The following FBXL7 variants were observed in gnomAD, a reference collection of about 807,000 sequenced individuals.
FBXL7 encodes F-box/LRR-repeat protein 7.
In FBXL7, 12 loss-of-function variants were observed where a neutral mutation model predicts 38.3. The ratio of observed to expected loss-of-function variants is 0.31; its 90% CI spans 0.20 to 0.51. The LOEUF is 0.51. Ranked by LOEUF, FBXL7 falls within the 20% of genes least tolerant of loss-of-function variation. FBXL7 has a pLI of 0.98. For missense variants in FBXL7, 567 were observed against 676.4 expected (o/e 0.84, Z 1.79); for synonymous variants, 297 against 300.9 (o/e 0.99, Z 0.13).
At chr5:15,875,108 C>T in intron 2 of FBXL7, among the ~76,000 whole-genome samples, 1 of 152,094 alleles carries the variant, frequency 6.6e-6, no homozygotes, top group East Asian at 1.9e-4. Flanking sequence ...GAAATAACGT[C>T]ACACATCTAC....
chr5:15,933,141 T>A (rs186346148), intron 3 of FBXL7, among the ~76,000 whole-genome samples: 400 of 152,324 alleles, frequency 2.6e-3, no homozygotes, highest in African/African-American at 9.3e-3. Context: ...ATGAACCAAT[T>A]TACTTTCTTT....
intron 2 of FBXL7, among the ~76,000 whole-genome samples, chr5:15,641,957 G>GTGTGTT (rs1355381044): frequency 2.1e-5 from 3 of 142,738 alleles, no homozygotes; most frequent in African/African-American, 7.6e-5. Context: ...GTGTGTGTGT[G>GTGTGTT]TGTGTGTGTG....
At chr5:15,916,336 C>T (rs951408427) in intron 2 of FBXL7, among the ~76,000 whole-genome samples, 1 of 151,816 alleles carries the variant, frequency 6.6e-6, no homozygotes, top group South Asian at 2.1e-4. Context: ...GGTACTTAGA[C>T]ATGTGTGTTT....
chr5:15,600,405 G>A (rs1739755967), intron 1 of FBXL7, among the ~76,000 whole-genome samples: 1 of 152,154 alleles, frequency 6.6e-6, no homozygotes, highest in Non-Finnish European at 1.5e-5. Context: ...CTCCCTTCCT[G>A]TCATGGCTGG....
chr5:15,629,168 C>A (rs1740917395), intron 2 of FBXL7, among the ~76,000 whole-genome samples: 1 of 150,732 alleles, frequency 6.6e-6, no homozygotes, highest in African/African-American at 2.5e-5. Context: ...CACCTGTTGT[C>A]CCAGCTGCTC....
Position 15,699,698 on chromosome 5 carries a change from C to G in FBXL7, c.127+83626C>G, listed in dbSNP as rs538821273. On this transcript the variant is annotated intron_variant, in intron 2 of 3. Coordinates refer to ENST00000504595, the MANE Select transcript of FBXL7 (RefSeq NM_012304.5). ...ATCCATCCAGACTTTCTACAGGTCTCTTAGGAAACACACTACAATTACAGG... is the reference window on the plus strand; with the variant it reads ...ATCCATCCAGACTTTCTACAGGTCTGTTAGGAAACACACTACAATTACAGG... Among the ~76,000 whole-genome samples the G allele has an allele frequency of 6.0e-4, 91 of 152,246 alleles. 1 individual carries two copies. Among genetic ancestry groups the G allele is most frequent in the African/African-American group, 2.1e-3 (86 of 41,542 alleles).
intron 2 of FBXL7, among the ~76,000 whole-genome samples, chr5:15,831,228 C>T (rs1314961064): frequency 6.6e-6 from 1 of 152,114 alleles, no homozygotes; most frequent in African/African-American, 2.4e-5. Context: ...TGTTTTGTCT[C>T]AGGTATCTGA....
chr5:15,869,267 T>TTA (rs1739849810), intron 2 of FBXL7, among the ~76,000 whole-genome samples: 1 of 152,186 alleles, frequency 6.6e-6, no homozygotes, highest in Non-Finnish European at 1.5e-5. Context: ...TAGCCCATAG[T>TTA]TAGAGGTGAT....
In FBXL7 at chr5:15,500,202, G is replaced by C. The variant is rs966644887; in HGVS notation, c.-475G>C. On this transcript the variant is annotated 5_prime_UTR_variant, in exon 1 of 4. Transcript: ENST00000504595. ...TGCGCCGGGTCGCTAGTCTTCACTC[G>C]CTCCGGGGACCCGCAACAAGTGGCC... is the stretch of plus-strand genomic sequence containing the variant. 5 of 152,046 alleles carry C rather than the reference G, an allele frequency of 3.3e-5. No homozygotes were observed. The highest frequency in any genetic ancestry group is 9.6e-5 in the African/African-American group (4 of 41,452). The allele number at this position is 152,046 out of a possible 1,614,324, so 9.4% of individuals were successfully genotyped here.
intron 1 of FBXL7, among the ~76,000 whole-genome samples, chr5:15,570,401 A>G (rs956590652): frequency 6.6e-6 from 1 of 152,040 alleles, no homozygotes; most frequent in Non-Finnish European, 1.5e-5. Flanking sequence ...GTATTCTCTG[A>G]TCGTAGTTTG....
intron 2 of FBXL7, among the ~76,000 whole-genome samples, chr5:15,858,541 C>A (rs1306118597): frequency 6.6e-6 from 1 of 152,088 alleles, no homozygotes; most frequent in Admixed American, 6.6e-5. Flanking sequence ...AAAGGACAGG[C>A]AATAAATGCT....
At chr5:15,652,880 G>A (rs957905812) in intron 2 of FBXL7, among the ~76,000 whole-genome samples, 3 of 152,110 alleles carry the variant, frequency 2.0e-5, no homozygotes, top group African/African-American at 4.8e-5. Context: ...AACTAAGTAA[G>A]CATATTGTTT....
At chr5:15,896,029 T>A (rs1362417339) in intron 2 of FBXL7, among the ~76,000 whole-genome samples, 13 of 139,574 alleles carry the variant, frequency 9.3e-5, no homozygotes, top group Non-Finnish European at 1.6e-4. Context: ...CTGAGTCTAC[T>A]TTTTTTTTTT....
chr5:15,721,603 T>A (rs1744196164), intron 2 of FBXL7, among the ~76,000 whole-genome samples: 3 of 152,012 alleles, frequency 2.0e-5, no homozygotes, highest in Admixed American at 1.3e-4. Context: ...ATGATAAAAA[T>A]AGAAATATTC....
intron 2 of FBXL7, among the ~76,000 whole-genome samples, chr5:15,775,053 A>G (rs992325123): frequency 3.9e-5 from 6 of 152,186 alleles, no homozygotes; most frequent in African/African-American, 1.2e-4. Flanking sequence ...TTCTGACATG[A>G]TTTTTAAATA....
chr5:15,686,395 C>T (rs1265614737), intron 2 of FBXL7, among the ~76,000 whole-genome samples: 1 of 152,216 alleles, frequency 6.6e-6, no homozygotes, highest in Admixed American at 6.5e-5. Flanking sequence ...ATTAATTTGA[C>T]AGCACTTAAG....
intron 2 of FBXL7, among the ~76,000 whole-genome samples, chr5:15,758,492 T>C (rs1317297576): frequency 6.6e-6 from 1 of 152,100 alleles, no homozygotes; most frequent in African/African-American, 2.4e-5. Flanking sequence ...CAAAATACCC[T>C]GTTGTAAATG....
Position 15,500,480 on chromosome 5 carries a change from C to A in FBXL7, c.-197C>A, listed in dbSNP as rs1220310912. On this transcript the variant is annotated 5_prime_UTR_variant, in exon 1 of 4. Transcript: ENST00000504595. ...TGTGCCCGGCCCCGCCTGGAGCCACCGGGGGTGCCAGGAGGGGACGCAGCA... is the reference window on the plus strand; with the variant it reads ...TGTGCCCGGCCCCGCCTGGAGCCACAGGGGGTGCCAGGAGGGGACGCAGCA... The A allele has an allele frequency of 4.1e-5, 28 of 690,662 alleles. No individual in the cohort carries two copies. The highest frequency in any genetic ancestry group is 6.6e-5 in the Non-Finnish European group (26 of 394,270). 42.8% of individuals were successfully genotyped at this position (690,662 alleles called of 1,614,324 possible).
intron 2 of FBXL7, among the ~76,000 whole-genome samples, chr5:15,717,654 AT>A (rs1744079942): frequency 6.6e-6 from 1 of 152,234 alleles, no homozygotes; most frequent in Non-Finnish European, 1.5e-5. Context: ...AGAGCAAATG[AT>A]TATATAAAAA....
Sources: gnomAD v4.1 joint callset for allele counts (sites outside exome capture counted in the v4.1 genomes callset) on GRCh38, gnomAD v4.1.1 for gene constraint, MANE v1.5 for transcripts, NCBI Gene and HGNC (gene_info 2026-07-23, HGNC 2026-07-21) for gene names.